Variants in ATP10A observed in about 807,000 individuals in gnomAD.
ATP10A encodes the protein ATPase phospholipid transporting 10A (putative), also known as phospholipid-transporting ATPase VA.
ATP10A carries 111 observed loss-of-function variants against 147.8 expected under a neutral mutation model. That is an observed-to-expected ratio of 0.75 (90% CI 0.64 to 0.88). The LOEUF (loss-of-function observed/expected upper bound fraction) is 0.88. Among genes scored for constraint, ATP10A ranks in the 40% least tolerant of loss-of-function variants. The probability of loss-of-function intolerance (pLI) is 0.00; values close to 1 mark genes in which losing one functional copy is unlikely to be tolerated. For synonymous variants in ATP10A, 875 were observed against 841.6 expected, an observed-to-expected ratio of 1.04 and a Z score of -0.69; for missense variants, 1,927 against 1,959.0, an observed-to-expected ratio of 0.98 and a Z score of 0.31.
chr15:25,841,537 T>G (rs1293852239), intron 1 of ATP10A: 32 of 151,814 alleles, frequency 2.1e-4, no homozygotes, highest in Admixed American at 2.0e-3. Flanking sequence ...CTTGTGGACA[T>G]TTTTGGACCT....
intron 1 of ATP10A, among the ~76,000 whole-genome samples, chr15:25,852,335 C>T (rs144652064): frequency 1.4e-4 from 21 of 152,230 alleles, no homozygotes; most frequent in African/African-American, 4.3e-4. Context: ...TGCCATCTTC[C>T]CTCCAATTTA....
At chr15:25,839,130 C>G (rs1892703831) in intron 1 of ATP10A, among the ~76,000 whole-genome samples, 1 of 152,266 alleles carries the variant, frequency 6.6e-6, no homozygotes, top group Admixed American at 6.5e-5. Flanking sequence ...CTGGCTACAC[C>G]TTAGCTCCAG....
At chr15:25,756,252 T>A (rs1053321452) in intron 2 of ATP10A, among the ~76,000 whole-genome samples, 4 of 152,220 alleles carry the variant, frequency 2.6e-5, no homozygotes, top group African/African-American at 7.2e-5. Context: ...GATCTGCTCC[T>A]ATTTGTGTGT....
At chr15:25,827,737 TA>T (rs1892175900) in intron 1 of ATP10A, among the ~76,000 whole-genome samples, 2 of 152,054 alleles carry the variant, frequency 1.3e-5, no homozygotes, top group Admixed American at 1.3e-4. Context: ...AACAGACAAA[TA>T]AAAATACCTA....
intron 1 of ATP10A, among the ~76,000 whole-genome samples, chr15:25,831,453 T>C (rs1001138044): frequency 3.3e-5 from 5 of 152,236 alleles, no homozygotes; most frequent in African/African-American, 9.6e-5. Context: ...TAAAAATACA[T>C]GTTCAGTGTG....
chr15:25,860,328 C>T (rs367553996), intron 1 of ATP10A, among the ~76,000 whole-genome samples: 1 of 152,178 alleles, frequency 6.6e-6, no homozygotes, highest in Non-Finnish European at 1.5e-5. Context: ...GGACGCCTCG[C>T]CAGACATGGA....
At chr15:25,743,990 G>A (rs1887703006) in intron 2 of ATP10A, among the ~76,000 whole-genome samples, 1 of 152,096 alleles carries the variant, frequency 6.6e-6, no homozygotes, top group Non-Finnish European at 1.5e-5. Context: ...AGGTGAGTAA[G>A]ATGTGGGCAT....
chr15:25,742,259 T>C (rs1015136558), intron 2 of ATP10A, among the ~76,000 whole-genome samples: 1 of 150,634 alleles, frequency 6.6e-6, no homozygotes, highest in African/African-American at 2.4e-5. Flanking sequence ...TCTTTCAGAG[T>C]CAGCTTCACA....
At position 25,841,869 on chromosome 15, in the gene ATP10A, T is replaced by C. The variant is rs572215820; in HGVS notation, c.449+20779A>G. On this transcript the variant is annotated intron_variant, in intron 1 of 20. Coordinates refer to ENST00000555815, the MANE Select transcript of ATP10A (RefSeq NM_024490.4). Reference sequence around the variant, plus strand: ...AGTTTTCACTAGTCCATTGTGGGGATACAGAAATGCAGTCAATTCATAGCC... The same window carrying C: ...AGTTTTCACTAGTCCATTGTGGGGACACAGAAATGCAGTCAATTCATAGCC... 5.9e-5 allele frequency: 9 copies of C among 152,378 alleles called. No individual in the cohort carries two copies. The South Asian group carries it at 8.3e-4, about 14-fold the overall frequency. The allele number at this position is 152,378 out of a possible 1,614,324, so 9.4% of individuals were successfully genotyped here. A position where few individuals can be genotyped will look rare whatever the true frequency, so the allele number is the denominator to read the frequency against.
chr15:25,711,209 A>T (rs754134985), intron 10 of ATP10A, among the ~76,000 whole-genome samples: 8 of 151,984 alleles, frequency 5.3e-5, no homozygotes, highest in Non-Finnish European at 8.8e-5. Context: ...TGCTCAGCCA[A>T]CTCGGGCCTC....
chr15:25,792,423 T>C (rs1046114046), intron 1 of ATP10A, among the ~76,000 whole-genome samples: 1 of 152,166 alleles, frequency 6.6e-6, no homozygotes, highest in African/African-American at 2.4e-5. Context: ...TGAGGTCCCA[T>C]AGCCACCAGG....
intron 2 of ATP10A, among the ~76,000 whole-genome samples, chr15:25,758,749 CCTAA>C (rs373684586): frequency 7.1e-5 from 9 of 127,164 alleles, no homozygotes; most frequent in Admixed American, 1.6e-4. Context: ...CCTGCTCCAC[CCTAA>C]CTCATTCCGA....
chr15:25,727,249 T>C lies in ATP10A; in HGVS notation c.758A>G (p.Lys253Arg), dbSNP rs1902637540. Residue 253 changes from lysine (K) to arginine (R), a missense_variant, in exon 4 of 21, where the codon AAA becomes AGA. By Grantham distance (26) the Lys-to-Arg change is conservative. Transcript: ENST00000555815. ...FRGCIIHDNGKKAGLYKENLL... is the reference protein window; with the variant it reads ...FRGCIIHDNGRKAGLYKENLL... ...GTTTTCTTTATACAGCCCGGCCTTT[T>C]TCCCGTTGTCATGTATGCTGTAGAG... The C allele has an allele frequency of 1.9e-6, 3 of 1,614,022 alleles. No homozygotes were observed. Among genetic ancestry groups the C allele is most frequent in the Admixed American group, 1.7e-5 (1 of 60,016 alleles).
At chr15:25,811,017 T>C (rs970431266) in intron 1 of ATP10A, among the ~76,000 whole-genome samples, 7 of 152,194 alleles carry the variant, frequency 4.6e-5, no homozygotes, top group Non-Finnish European at 1.0e-4. Flanking sequence ...TCATGTTACA[T>C]GGCGGGGTCT....
In ATP10A at chr15:25,847,221, G is replaced by GCA. The variant is rs1439672530; in HGVS notation, c.449+15425_449+15426dup. ...GGACACAGGAGGCTCTGACTGAGCA[G>GCA]CACGCGCAGGCACTCAGCCAGTGGC... On this transcript the variant is annotated intron_variant, in intron 1 of 20. Coordinates refer to ENST00000555815, the MANE Select transcript of ATP10A (RefSeq NM_024490.4). 3.5e-5 allele frequency among the ~76,000 whole-genome samples: 4 copies of GCA among 112,808 alleles called. No homozygotes were observed. In the East Asian group the frequency reaches 1.2e-3, roughly 34 times the overall value. The allele number at this position is 112,808 out of a possible 152,430, so 74.0% of individuals were successfully genotyped here.
intron 1 of ATP10A, among the ~76,000 whole-genome samples, chr15:25,852,520 C>T (rs1004885810): frequency 2.0e-5 from 3 of 152,160 alleles, no homozygotes; most frequent in Admixed American, 2.0e-4. Flanking sequence ...AACCTCACCT[C>T]TCAATCCTCT....
At chr15:25,842,178 G>A (rs145279969) in intron 1 of ATP10A, among the ~76,000 whole-genome samples, 39 of 152,254 alleles carry the variant, frequency 2.6e-4, no homozygotes, top group East Asian at 1.2e-3. Flanking sequence ...GGTGTGGAGC[G>A]GGCCTTGGGC....
At chr15:25,780,185 G>T (rs562498069) in intron 2 of ATP10A, among the ~76,000 whole-genome samples, 61 of 152,372 alleles carry the variant, frequency 4.0e-4, no homozygotes, top group African/African-American at 1.4e-3. Context: ...GAGGCCGATG[G>T]GGGAGGGCAC....
At chr15:25,776,369 T>C (rs1470477876) in intron 2 of ATP10A, among the ~76,000 whole-genome samples, 1 of 152,236 alleles carries the variant, frequency 6.6e-6, no homozygotes, top group East Asian at 1.9e-4. Context: ...ATCTCCTGAC[T>C]TCACTTTTTC....
Sources: allele counts gnomAD v4.1 joint callset (sites outside exome capture counted in the v4.1 genomes callset), GRCh38; gene constraint gnomAD v4.1.1; transcripts MANE v1.5; gene names NCBI Gene and HGNC (gene_info 2026-07-23, HGNC 2026-07-21).